The following DYRK1A variants were observed in gnomAD, a reference collection of about 807,000 sequenced individuals.
DYRK1A encodes dual specificity tyrosine phosphorylation regulated kinase 1A.
Under a neutral mutation model 79.7 loss-of-function variants are expected in DYRK1A, and 9 were observed. That is an observed-to-expected ratio of 0.11 (90% CI 0.07 to 0.20). The LOEUF (loss-of-function observed/expected upper bound fraction) is 0.20. DYRK1A is among the 10% of genes least tolerant of loss of function. The pLI is 1.00. For missense variants in DYRK1A, 622 were observed against 956.0 expected, an observed-to-expected ratio of 0.65 and a Z score of 4.61; for synonymous variants, 349 against 329.7, an observed-to-expected ratio of 1.06 and a Z score of -0.63.
intron 2 of DYRK1A, among the ~76,000 whole-genome samples, chr21:37,438,604 C>T (rs2050995342): frequency 6.6e-6 from 1 of 152,154 alleles, no homozygotes; most frequent in East Asian, 1.9e-4. Context: ...ACTGAATTGC[C>T]TTTGCACCTT....
At chr21:37,379,739 TC>T (rs1483533389) in intron 1 of DYRK1A, among the ~76,000 whole-genome samples, 1 of 152,260 alleles carries the variant, frequency 6.6e-6, no homozygotes, top group Non-Finnish European at 1.5e-5. Context: ...TTTCATTTTT[TC>T]TGAGCATCTT....
chr21:37,482,290 T>C (rs2052674537), intron 5 of DYRK1A, among the ~76,000 whole-genome samples: 1 of 152,186 alleles, frequency 6.6e-6, no homozygotes. Context: ...GTAGGTTCTT[T>C]TCTATTTTCC....
chr21:37,437,746 C>G (rs539473841), intron 2 of DYRK1A, among the ~76,000 whole-genome samples: 90 of 152,276 alleles, frequency 5.9e-4, no homozygotes, highest in African/African-American at 1.8e-3. Context: ...GGTTTATCCA[C>G]TTACCTGTTG....
At chr21:37,406,139 C>G (rs886684691) in intron 1 of DYRK1A, among the ~76,000 whole-genome samples, 6 of 152,070 alleles carry the variant, frequency 3.9e-5, no homozygotes, top group African/African-American at 1.2e-4. Flanking sequence ...TACAACACAT[C>G]AGGTGTTTGA....
chr21:37,471,982 A>G (rs984822969), intron 2 of DYRK1A, among the ~76,000 whole-genome samples: 2 of 152,152 alleles, frequency 1.3e-5, no homozygotes, highest in African/African-American at 4.8e-5. Flanking sequence ...CCAAAGTGTT[A>G]ATTTTTCATT....
rs955709964 is a variant in DYRK1A at position 37,514,735 on chromosome 21, A to G, written c.*2204A>G. On this transcript the variant is annotated 3_prime_UTR_variant, in exon 12 of 12. Transcript: ENST00000647188. ...AACTTGGTAGTTCATAAAGGTTTAC[A>G]GTGAATAAAAGGATATCATCTTGAG... 1.3e-5 allele frequency: 2 copies of G among 152,618 alleles called. No homozygotes were observed. The highest frequency in any genetic ancestry group is 2.9e-5 in the Non-Finnish European group (2 of 68,028). 9.5% of individuals were successfully genotyped at this position (152,618 alleles called of 1,614,324 possible).
At chr21:37,404,140 T>C (rs898929257) in intron 1 of DYRK1A, among the ~76,000 whole-genome samples, 3 of 152,162 alleles carry the variant, frequency 2.0e-5, no homozygotes, top group Non-Finnish European at 4.4e-5. Flanking sequence ...TACACAGGCG[T>C]GTATATATGT....
At chr21:37,451,286 G>A (rs1306467983) in intron 2 of DYRK1A, among the ~76,000 whole-genome samples, 2 of 151,968 alleles carry the variant, frequency 1.3e-5, no homozygotes, top group Admixed American at 6.6e-5. Context: ...CTATAAAGTC[G>A]ACCGTAGTAG....
At chr21:37,437,396 G>A (rs1317258117) in intron 2 of DYRK1A, among the ~76,000 whole-genome samples, 1 of 152,148 alleles carries the variant, frequency 6.6e-6, no homozygotes, top group Non-Finnish European at 1.5e-5. Flanking sequence ...ATTTTTTTGT[G>A]GAGTGGAGGG....
intron 6 of DYRK1A, chr21:37,488,570 C>T (rs2052959400): frequency 2.0e-6 from 2 of 985,142 alleles, no homozygotes; most frequent in East Asian, 1.1e-4. Flanking sequence ...CTTGCCAGCC[C>T]TCCATTCTCC....
intron 2 of DYRK1A, among the ~76,000 whole-genome samples, chr21:37,462,454 T>C (rs1218414857): frequency 1.3e-5 from 2 of 152,194 alleles, no homozygotes; most frequent in East Asian, 3.8e-4. Context: ...TGAATGTCTG[T>C]GGGTTTCTCC....
intron 2 of DYRK1A, among the ~76,000 whole-genome samples, chr21:37,439,905 CTTAATG>C (rs1303823356): frequency 6.6e-6 from 1 of 151,808 alleles, no homozygotes; most frequent in African/African-American, 2.4e-5. Flanking sequence ...TGATTGATTT[CTTAATG>C]TTAAACTGAT....
intron 2 of DYRK1A, among the ~76,000 whole-genome samples, chr21:37,464,963 G>T (rs1482136301): frequency 6.6e-6 from 1 of 152,156 alleles, no homozygotes; most frequent in African/African-American, 2.4e-5. Flanking sequence ...CATAGGAAAG[G>T]AATGAATGAA....
intron 2 of DYRK1A, among the ~76,000 whole-genome samples, chr21:37,433,575 A>T (rs142227831): frequency 6.6e-6 from 1 of 152,342 alleles, no homozygotes; most frequent in Admixed American, 6.5e-5. Flanking sequence ...GCAGGTTCCA[A>T]GTAGTTCAAA....
chr21:37,476,818 T>TTC (rs1555978497), intron 3 of DYRK1A, among the ~76,000 whole-genome samples: 9 of 78,140 alleles, frequency 1.2e-4, no homozygotes, highest in African/African-American at 3.1e-4. Flanking sequence ...CACCAAGGGT[T>TTC]CCCCCCCCCC....
chr21:37,439,194 C>T (rs913827148), intron 2 of DYRK1A, among the ~76,000 whole-genome samples: 14 of 152,224 alleles, frequency 9.2e-5, no homozygotes, highest in Admixed American at 7.2e-4. Flanking sequence ...TGGTAGGTTC[C>T]ATCACATTTT....
intron 3 of DYRK1A, among the ~76,000 whole-genome samples, chr21:37,473,158 A>G (rs1025350357): frequency 1.3e-5 from 2 of 148,822 alleles, no homozygotes; most frequent in African/African-American, 5.2e-5. Context: ...ATCTTGAAGA[A>G]AAAGCTTATT....
intron 11 of DYRK1A, among the ~76,000 whole-genome samples, chr21:37,510,971 A>C (rs575748539): frequency 6.6e-6 from 1 of 152,280 alleles, no homozygotes; most frequent in East Asian, 1.9e-4. Context: ...CATCAGCCAG[A>C]GTGGTCAGGG....
intron 3 of DYRK1A, among the ~76,000 whole-genome samples, chr21:37,477,346 G>A (rs1257494708): frequency 1.3e-5 from 2 of 152,186 alleles, no homozygotes; most frequent in Non-Finnish European, 2.9e-5. Context: ...TTGAGGATCT[G>A]TTGATTGCAA....
Sources: allele counts gnomAD v4.1 joint callset (sites outside exome capture counted in the v4.1 genomes callset), GRCh38; gene constraint gnomAD v4.1.1; transcripts MANE v1.5; gene names NCBI Gene and HGNC (gene_info 2026-07-23, HGNC 2026-07-21).